CRIM1: variants seen among roughly 807,000 people sequenced by gnomAD.
CRIM1 encodes the protein cysteine rich transmembrane BMP regulator 1, also known as cysteine-rich motor neuron 1 protein.
Under a neutral mutation model 116.4 loss-of-function variants are expected in CRIM1, and 32 were observed. The ratio of observed to expected loss-of-function variants is 0.27; its 90% CI spans 0.21 to 0.37. The LOEUF (loss-of-function observed/expected upper bound fraction) is 0.37, where lower values mean the gene tolerates loss of function less well. Among genes scored for constraint, CRIM1 ranks in the 10% least tolerant of loss-of-function variants. CRIM1 has a pLI of 1.00. For missense variants in CRIM1, 1,331 were observed against 1,354.8 expected (o/e 0.98, Z 0.28); for synonymous variants, 590 against 509.2 (o/e 1.16, Z -2.13).
chr2:36,413,824 T>C (rs757945430), intron 2 of CRIM1, among the ~76,000 whole-genome samples: 10 of 152,150 alleles, frequency 6.6e-5, no homozygotes, highest in Admixed American at 6.5e-5. Flanking sequence ...ACTTGTAAAG[T>C]GTATGTATTT....
intron 7 of CRIM1, among the ~76,000 whole-genome samples, chr2:36,488,131 T>C (rs1004858406): frequency 2.0e-5 from 3 of 152,206 alleles, no homozygotes; most frequent in African/African-American, 7.2e-5. Context: ...GCACTGAAGA[T>C]AGTGAAAAAT....
chr2:36,443,702 T>A (rs1676031331), intron 4 of CRIM1, among the ~76,000 whole-genome samples: 1 of 152,118 alleles, frequency 6.6e-6, no homozygotes, highest in South Asian at 2.1e-4. Context: ...AAGATAGGAG[T>A]AGATGTGGTC....
intron 1 of CRIM1, among the ~76,000 whole-genome samples, chr2:36,358,264 G>T (rs1208911785): frequency 2.0e-5 from 3 of 152,182 alleles, no homozygotes; most frequent in Non-Finnish European, 4.4e-5. Context: ...TATGTGTTTT[G>T]ACTTTGGGAA....
intron 7 of CRIM1, among the ~76,000 whole-genome samples, chr2:36,491,665 A>G (rs765737925): frequency 1.3e-5 from 2 of 152,208 alleles, no homozygotes; most frequent in South Asian, 2.1e-4. Flanking sequence ...GTTATAAACA[A>G]TGAATGAAGT....
chr2:36,549,392 C>G lies in CRIM1; in HGVS notation c.*691C>G, dbSNP rs941968082. The G allele has an allele frequency of 6.6e-6, 1 of 152,542 alleles. No individual in the cohort carries two copies. The highest frequency in any genetic ancestry group is 6.5e-5 in the Admixed American group (1 of 15,272). The allele number at this position is 152,542 out of a possible 1,614,324, so 9.4% of individuals were successfully genotyped here. A position where few individuals can be genotyped will look rare whatever the true frequency, so the allele number is the denominator to read the frequency against. ...CACTTTTTGCTGCTTTTATTTTCTT[C>G]CAAGCCAATCAATCAGCCAGTTCCT... On this transcript the variant is annotated 3_prime_UTR_variant, in exon 17 of 17. Transcript: ENST00000280527.
chr2:36,544,250 G>C (rs1452955022), intron 14 of CRIM1, 126 bp from the exon 15 acceptor site: 3 of 804,750 alleles, frequency 3.7e-6, no homozygotes, highest in Non-Finnish European at 5.2e-6. Context: ...GTAAATGGCA[G>C]AAACTGCATC....
chr2:36,365,838 A>T (rs1382420396), intron 1 of CRIM1, among the ~76,000 whole-genome samples: 5 of 150,860 alleles, frequency 3.3e-5, no homozygotes, highest in Admixed American at 1.3e-4. Context: ...GGTTCAAGCG[A>T]TTCTCCTGCC....
At chr2:36,495,900 G>T (rs1054115724) in intron 7 of CRIM1, among the ~76,000 whole-genome samples, 2 of 151,932 alleles carry the variant, frequency 1.3e-5, no homozygotes, top group Admixed American at 6.6e-5. Context: ...TATACTTACC[G>T]GTCATATTTT....
Position 36,396,603 on chromosome 2 carries a change from T to C in CRIM1, c.332-11T>C, listed in dbSNP as rs1205704281. The C allele has an allele frequency of 2.0e-6, 3 of 1,536,748 alleles. No individual in the cohort carries two copies. The highest frequency in any genetic ancestry group is 1.8e-5 in the Admixed American group (1 of 56,644). ...CAAACACACATTATCTGGTTGTTAA[T>C]TGTTTTACAGATGAGAACTGGACTG... On this transcript the variant is annotated splice_polypyrimidine_tract_variant and intron_variant, in intron 1 of 16. Coordinates refer to ENST00000280527, the MANE Select transcript of CRIM1 (RefSeq NM_016441.3).
Position 36,454,163 on chromosome 2 carries a change from C to G in CRIM1, c.870-10371C>G, listed in dbSNP as rs1029839652. Among the ~76,000 whole-genome samples, 3 of 152,272 alleles carry G rather than the reference C, an allele frequency of 2.0e-5. No individual in the cohort carries two copies. In the South Asian group the frequency reaches 6.2e-4, roughly 32 times the overall value. On this transcript the variant is annotated intron_variant, in intron 4 of 16. Coordinates refer to ENST00000280527, the MANE Select transcript of CRIM1 (RefSeq NM_016441.3). ...CTCTGGCCATGACTCCTGCCAGTAC[C>G]CCCATAATAACCCCAGTCCTCCTCT...
At chr2:36,445,274 T>C (rs1676151023) in intron 4 of CRIM1, among the ~76,000 whole-genome samples, 1 of 152,228 alleles carries the variant, frequency 6.6e-6, no homozygotes. Flanking sequence ...CAGTCCCCAC[T>C]TTATGGTGCG....
Position 36,479,597 on chromosome 2 carries a change from G to A in CRIM1, c.1275G>A (p.Gln425=), listed in dbSNP as rs1406633987. Residue 425 remains glutamine, a synonymous_variant, in exon 7 of 17, where the codon CAG becomes CAA. Coordinates refer to ENST00000280527, the MANE Select transcript of CRIM1 (RefSeq NM_016441.3). ...RWREDDCTFC[Q]CVNGERHCVA... is the part of the protein sequence containing the mutation. ...GGGAAGACGACTGCACATTCTGCCA[G>A]TGCGTCAACGGTGAACGCCACTGCG... 2.5e-6 allele frequency: 4 copies of A among 1,614,234 alleles called. No individual in the cohort carries two copies. The highest frequency in any genetic ancestry group is 3.4e-6 in the Non-Finnish European group (4 of 1,180,040).
At chr2:36,500,993 T>G (rs750059984) in intron 8 of CRIM1, among the ~76,000 whole-genome samples, 4 of 152,258 alleles carry the variant, frequency 2.6e-5, no homozygotes, top group Non-Finnish European at 5.9e-5. Context: ...CAGTGCTTTA[T>G]TCCCCTAAAT....
chr2:36,460,715 T>A (rs1677515320), intron 4 of CRIM1, among the ~76,000 whole-genome samples: 1 of 152,228 alleles, frequency 6.6e-6, no homozygotes, highest in African/African-American at 2.4e-5. Flanking sequence ...TCCTGTCTTG[T>A]TCCTCTGCAG....
intron 1 of CRIM1, among the ~76,000 whole-genome samples, chr2:36,375,254 G>GA (rs1322678026): frequency 6.6e-6 from 1 of 151,444 alleles, no homozygotes; most frequent in Non-Finnish European, 1.5e-5. Flanking sequence ...TACAAAATTC[G>GA]AAAAAAAACT....
At chr2:36,365,144 T>C (rs1379556078) in intron 1 of CRIM1, among the ~76,000 whole-genome samples, 1 of 152,122 alleles carries the variant, frequency 6.6e-6, no homozygotes, top group Non-Finnish European at 1.5e-5. Flanking sequence ...CAAGGAAACA[T>C]GCGTTGGTTT....
In CRIM1 at chr2:36,549,312, A is replaced by AGAAAT. The variant is rs1204145707; in HGVS notation, c.*613_*617dup. 2 of 152,702 alleles carry AGAAAT rather than the reference A, an allele frequency of 1.3e-5. No individual in the cohort carries two copies. Among genetic ancestry groups the AGAAAT allele is most frequent in the Non-Finnish European group, 2.9e-5 (2 of 68,056 alleles). 9.5% of individuals were successfully genotyped at this position (152,702 alleles called of 1,614,324 possible). On this transcript the variant is annotated 3_prime_UTR_variant, in exon 17 of 17. Transcript: ENST00000280527. Reference sequence around the variant, plus strand: ...CTGCAGTAGGCAGTGAGGAAGCCAGAGAAATGCGATAGCGGCATTTCTCTA... The same window carrying AGAAAT: ...CTGCAGTAGGCAGTGAGGAAGCCAGAGAAATGAAATGCGATAGCGGCATTTCTCTA...
intron 1 of CRIM1, among the ~76,000 whole-genome samples, chr2:36,359,902 T>C (rs1288234978): frequency 6.6e-6 from 1 of 152,176 alleles, no homozygotes; most frequent in Non-Finnish European, 1.5e-5. Flanking sequence ...CTCCTGTTGC[T>C]CTTTGCAGCA....
rs189903842 is a variant in CRIM1 at position 36,405,036 on chromosome 2, C to G, written c.505+8249C>G. Among the ~76,000 whole-genome samples, 16 of 152,260 alleles carry G rather than the reference C, an allele frequency of 1.1e-4. No homozygotes were observed. In the South Asian group the frequency reaches 2.3e-3, roughly 22 times the overall value. ...TTGGTCTAGAGGCTGTAGTACAACC[C>G]TGTGCTGTGTGTGGCCTAATAAAAT... On this transcript the variant is annotated intron_variant, in intron 2 of 16. Transcript: ENST00000280527.
Sources: allele counts gnomAD v4.1 joint callset (sites outside exome capture counted in the v4.1 genomes callset), GRCh38; gene constraint gnomAD v4.1.1; transcripts MANE v1.5; gene names NCBI Gene and HGNC (gene_info 2026-07-23, HGNC 2026-07-21).